The following KLF12 variants were observed in gnomAD, a reference collection of about 807,000 sequenced individuals.
The protein encoded by KLF12 is KLF transcription factor 12.
KLF12 carries 9 observed loss-of-function variants against 37.8 expected under a neutral mutation model. The observed-to-expected ratio is 0.24, with a 90% CI of 0.14 to 0.42. The LOEUF is 0.42. KLF12 is among the 10% of genes least tolerant of loss of function. The probability of loss-of-function intolerance (pLI) is 1.00; values close to 1 mark genes in which losing one functional copy is unlikely to be tolerated. For synonymous variants in KLF12, 208 were observed against 202.1 expected, an observed-to-expected ratio of 1.03 and a Z score of -0.25; for missense variants, 411 against 516.0, an observed-to-expected ratio of 0.80 and a Z score of 1.97.
intron 4 of KLF12, among the ~76,000 whole-genome samples, chr13:73,818,919 A>T (rs894563340): frequency 6.6e-6 from 1 of 152,220 alleles, no homozygotes; most frequent in Admixed American, 6.5e-5. Context: ...AACATGTCCC[A>T]GTTAGAGAAA....
At chr13:74,013,097 C>T (rs566383318) in intron 1 of KLF12, among the ~76,000 whole-genome samples, 53 of 152,314 alleles carry the variant, frequency 3.5e-4, no homozygotes, top group African/African-American at 1.2e-3. Context: ...CAGCTGGGTA[C>T]GAACACAAGA....
chr13:73,989,201 T>C (rs1891901555), intron 2 of KLF12, among the ~76,000 whole-genome samples: 1 of 152,176 alleles, frequency 6.6e-6, no homozygotes, highest in African/African-American at 2.4e-5. Flanking sequence ...ACCCTCCACC[T>C]TTAGTGAGAG....
chr13:74,173,907 A>G, the KLF12 span, among the ~76,000 whole-genome samples: 1 of 152,232 alleles, frequency 6.6e-6, no homozygotes, highest in Non-Finnish European at 1.5e-5. Context: ...ATCATAGGCC[A>G]TTGTTTATTA....
At chr13:74,105,963 T>C (rs189855248) in intron 1 of KLF12, among the ~76,000 whole-genome samples, 1 of 152,152 alleles carries the variant, frequency 6.6e-6, no homozygotes. Context: ...AGCAATGACA[T>C]GGCAATTTCT....
At chr13:74,000,999 G>T (rs1331575675) in intron 1 of KLF12, among the ~76,000 whole-genome samples, 1 of 152,148 alleles carries the variant, frequency 6.6e-6, no homozygotes, top group Non-Finnish European at 1.5e-5. Context: ...TTTTGTCTTT[G>T]TATGTCTAAT....
chr13:73,831,792 T>C (rs925115426), intron 4 of KLF12, among the ~76,000 whole-genome samples: 2 of 152,156 alleles, frequency 1.3e-5, no homozygotes, highest in Admixed American at 6.5e-5. Flanking sequence ...TATAAACTGG[T>C]AAAGCAAAAT....
intron 6 of KLF12, among the ~76,000 whole-genome samples, chr13:73,717,783 T>C (rs1238708262): frequency 6.6e-6 from 1 of 152,218 alleles, no homozygotes; most frequent in African/African-American, 2.4e-5. Context: ...CAAAACAGTG[T>C]GACTGGCCTG....
At chr13:74,126,403 A>G (rs976271420) in intron 1 of KLF12, among the ~76,000 whole-genome samples, 1 of 152,174 alleles carries the variant, frequency 6.6e-6, no homozygotes, top group Non-Finnish European at 1.5e-5. Context: ...CTGCCATTAT[A>G]TACAATCTAT....
intron 5 of KLF12, among the ~76,000 whole-genome samples, chr13:73,789,136 C>A (rs1881516603): frequency 1.3e-5 from 2 of 152,070 alleles, no homozygotes; most frequent in African/African-American, 4.8e-5. Flanking sequence ...AATCATATTG[C>A]ATAAATGGAA....
chr13:74,258,554 A>AT, the KLF12 span: 3 of 152,176 alleles, frequency 2.0e-5, no homozygotes, highest in Non-Finnish European at 4.4e-5. Context: ...ATTTTTGTAA[A>AT]CGCGGGATCA....
At chr13:74,127,194 T>C (rs1877989322) in intron 1 of KLF12, among the ~76,000 whole-genome samples, 1 of 152,198 alleles carries the variant, frequency 6.6e-6, no homozygotes, top group African/African-American at 2.4e-5. Context: ...AAGAGAGCCA[T>C]CAATACACTA....
chr13:73,898,995 G>C (rs1236043122), intron 3 of KLF12, among the ~76,000 whole-genome samples: 6 of 152,210 alleles, frequency 3.9e-5, no homozygotes, highest in Admixed American at 3.9e-4. Flanking sequence ...AGCAGAAAGA[G>C]GCAATGAAGT....
At chr13:73,954,834 A>G (rs1483613073) in intron 2 of KLF12, among the ~76,000 whole-genome samples, 1 of 152,214 alleles carries the variant, frequency 6.6e-6, no homozygotes, top group Non-Finnish European at 1.5e-5. Flanking sequence ...TTTACGTATA[A>G]TCCAATTACT....
chr13:73,760,451 G>C (rs1195368216), intron 6 of KLF12, among the ~76,000 whole-genome samples: 1 of 152,064 alleles, frequency 6.6e-6, no homozygotes, highest in Non-Finnish European at 1.5e-5. Context: ...TGAGTAGCTA[G>C]GACTACAGGT....
chr13:73,738,111 A>ATGTG (rs1877630586), intron 6 of KLF12, among the ~76,000 whole-genome samples: 3 of 68,436 alleles, frequency 4.4e-5, no homozygotes, highest in African/African-American at 1.9e-4. Flanking sequence ...ATATATATAT[A>ATGTG]TATATATATA....
At chr13:73,875,367 T>C (rs1357069604) in intron 3 of KLF12, among the ~76,000 whole-genome samples, 1 of 152,168 alleles carries the variant, frequency 6.6e-6, no homozygotes, top group Non-Finnish European at 1.5e-5. Context: ...CCATGATTTT[T>C]TGACTGACTC....
chr13:74,163,580 G>GTT, the KLF12 span, among the ~76,000 whole-genome samples: 1 of 152,102 alleles, frequency 6.6e-6, no homozygotes, highest in African/African-American at 2.4e-5. Context: ...ACTGGGAAGG[G>GTT]TTGTGGGGGT....
At chr13:74,199,660 G>A in the KLF12 span, among the ~76,000 whole-genome samples, 7 of 152,292 alleles carry the variant, frequency 4.6e-5, no homozygotes, top group African/African-American at 9.6e-5. Flanking sequence ...AATATTTTAA[G>A]TGAAACAAAA....
chr13:74,088,954 T>G (rs17062097), intron 1 of KLF12, among the ~76,000 whole-genome samples: 6,305 of 152,288 alleles, frequency 0.041, 450 homozygotes, highest in African/African-American at 0.14. Flanking sequence ...TAAACCACTT[T>G]ATATGCAAGC....
Sources: allele counts gnomAD v4.1 joint callset (sites outside exome capture counted in the v4.1 genomes callset), GRCh38; gene constraint gnomAD v4.1.1; transcripts MANE v1.5; gene names NCBI Gene and HGNC (gene_info 2026-07-23, HGNC 2026-07-21).